Variants in ATXN2 observed in about 807,000 individuals in gnomAD.
The protein encoded by ATXN2 is ataxin-2.
In ATXN2, 37 loss-of-function variants were observed where a neutral mutation model predicts 138.6. The observed-to-expected ratio is 0.27, with a 90% CI of 0.21 to 0.35. ATXN2 has a LOEUF of 0.35. Ranked by LOEUF, ATXN2 falls within the 10% of genes least tolerant of loss-of-function variation. ATXN2 has a pLI of 1.00. For synonymous variants in ATXN2, 549 were observed against 543.7 expected, an observed-to-expected ratio of 1.01 and a Z score of -0.13; for missense variants, 1,216 against 1,480.3, an observed-to-expected ratio of 0.82 and a Z score of 2.93.
At chr12:111,477,252 A>G (rs1876889483) in intron 18 of ATXN2, among the ~76,000 whole-genome samples, 1 of 151,406 alleles carries the variant, frequency 6.6e-6, no homozygotes, top group Non-Finnish European at 1.5e-5. Flanking sequence ...GCTACTCGAG[A>G]GGCTGAGGCA....
At chr12:111,497,840 C>T (rs1878519107) in intron 14 of ATXN2, among the ~76,000 whole-genome samples, 1 of 151,860 alleles carries the variant, frequency 6.6e-6, no homozygotes, top group African/African-American at 2.4e-5. Flanking sequence ...CACGGTGAAA[C>T]CCCGTCTCTA....
Position 111,485,313 on chromosome 12 carries a change from T to C in ATXN2, c.2476A>G (p.Met826Val), listed in dbSNP as rs200306315. 2.4e-4 allele frequency: 389 copies of C among 1,612,994 alleles called. 3 individuals are homozygous for C. Among genetic ancestry groups the C allele is most frequent in the Admixed American group, 3.2e-4 (19 of 60,006 alleles). The stretch of plus-strand genomic sequence containing the variant: ...GCTTGATTCACTGGCATGGGCGTCA[T>C]AGGTATTGGGTATAAAGGCTTGAGA... ...PGVQPLYPIP[M>V]TPMPVNQAKT... is the part of the protein sequence containing the mutation. Residue 826 changes from methionine (M) to valine (V), a missense_variant, in exon 18 of 25, where the codon ATG becomes GTG. Met to Val is a conservative substitution (Grantham distance 21). Coordinates refer to ENST00000673436, the MANE Select transcript of ATXN2 (RefSeq NM_001372574.1).
intron 14 of ATXN2, among the ~76,000 whole-genome samples, chr12:111,507,973 A>G (rs1325688293): frequency 6.6e-6 from 1 of 152,172 alleles, no homozygotes; most frequent in Non-Finnish European, 1.5e-5. Context: ...ATGCTCGTTA[A>G]GAGTCATCAC....
At chr12:111,493,280 C>T (rs560705020) in intron 14 of ATXN2, among the ~76,000 whole-genome samples, 17 of 151,954 alleles carry the variant, frequency 1.1e-4, no homozygotes, top group Non-Finnish European at 2.2e-4. Flanking sequence ...AGTAGCTGGG[C>T]GTGGTGGCAC....
At chr12:111,487,235 C>T (rs756617340) in intron 15 of ATXN2, among the ~76,000 whole-genome samples, 18 of 151,892 alleles carry the variant, frequency 1.2e-4, no homozygotes, top group African/African-American at 1.9e-4. Context: ...ACTGCCACCA[C>T]GCCCAGCTAA....
At position 111,453,752 on chromosome 12, in the gene ATXN2, C is replaced by T. The variant is rs749624885; in HGVS notation, c.3364G>A (p.Ala1122Thr). 5.6e-6 allele frequency: 9 copies of T among 1,613,892 alleles called. No homozygotes were observed. Among genetic ancestry groups the T allele is most frequent in the African/African-American group, 4.0e-5 (3 of 74,928 alleles). The change falls in exon 24 of 25, where the codon GCC becomes ACC. Residue 1122 changes from alanine to threonine, a missense_variant. Ala to Thr is a moderately conservative substitution (Grantham distance 58). Transcript: ENST00000673436. This position sits in a 1 kb window ranked among gnomAD's most constrained non-coding sequence, Gnocchi z 5.4. ...GGCTGTAGTGCACTTTGAGCGAGGG[C>T]GGCCTGGGGACCGCCGGGTGGCTGT... ...TTQPPGGPQAALAQSALQPIP... is the reference protein window; with the variant it reads ...TTQPPGGPQATLAQSALQPIP...
At chr12:111,460,146 A>C (rs554543006) in intron 21 of ATXN2, among the ~76,000 whole-genome samples, 1 of 152,220 alleles carries the variant, frequency 6.6e-6, no homozygotes, top group South Asian at 2.1e-4. Context: ...CAGTGGCGTG[A>C]TATCAGCTCA....
intron 1 of ATXN2, among the ~76,000 whole-genome samples, chr12:111,558,890 G>A (rs1458688461): frequency 6.6e-6 from 1 of 151,402 alleles, no homozygotes; most frequent in Non-Finnish European, 1.5e-5. Context: ...AACTATTAAA[G>A]CTGGGTGATA....
intron 1 of ATXN2, among the ~76,000 whole-genome samples, chr12:111,559,009 C>T (rs892931544): frequency 2.7e-5 from 4 of 149,442 alleles, no homozygotes; most frequent in Non-Finnish European, 4.4e-5. Flanking sequence ...TAGACCTAAT[C>T]AAGTTTACAG....
intron 1 of ATXN2, chr12:111,581,521 C>T (rs1323863370): frequency 7.8e-6 from 8 of 1,021,864 alleles, no homozygotes; most frequent in Non-Finnish European, 1.2e-5. Flanking sequence ...TGATCCCCAT[C>T]CACAGCGAGA....
At chr12:111,475,925 CATT>C (rs1239280560) in intron 18 of ATXN2, among the ~76,000 whole-genome samples, 3 of 151,984 alleles carry the variant, frequency 2.0e-5, no homozygotes, top group Non-Finnish European at 4.4e-5. Flanking sequence ...AATGGAATTA[CATT>C]ATTATCTATC....
intron 6 of ATXN2, 72 bp from the exon 7 acceptor site, chr12:111,521,045 T>C (rs1232507830): frequency 1.0e-6 from 1 of 970,662 alleles, no homozygotes; most frequent in African/African-American, 1.7e-5. Context: ...ATAACCAACA[T>C]CTATATTAAC....
chr12:111,503,275 T>C (rs117129118), intron 14 of ATXN2, among the ~76,000 whole-genome samples: 1,950 of 152,336 alleles, frequency 0.013, 20 homozygotes, highest in Non-Finnish European at 0.017. Flanking sequence ...TATGCATTAG[T>C]TACTATTCAA....
chr12:111,485,449 A>G lies in ATXN2; in HGVS notation c.2458-118T>C, dbSNP rs1425108133. On this transcript the variant is annotated intron_variant, in intron 17 of 24. Transcript: ENST00000673436. ...GCATGAGAAGGTTTCCTGATTCTCC[A>G]TTAGTCATTAAAAAATTAGATCATA... 5.6e-6 allele frequency: 6 copies of G among 1,073,152 alleles called. No individual in the cohort carries two copies. The African/African-American group carries it at 7.9e-5, about 14-fold the overall frequency. The allele number at this position is 1,073,152 out of a possible 1,614,324, so 66.5% of individuals were successfully genotyped here.
At chr12:111,464,840 G>A in intron 20 of ATXN2, 125 bp from the exon 21 acceptor site, 1 of 728,112 alleles carries the variant, frequency 1.4e-6, no homozygotes, top group South Asian at 1.7e-5. Flanking sequence ...CATAAGAGAT[G>A]ACAAGCACTT....
At chr12:111,480,606 C>T (rs557290099) in intron 18 of ATXN2, among the ~76,000 whole-genome samples, 2 of 152,220 alleles carry the variant, frequency 1.3e-5, no homozygotes, top group East Asian at 1.9e-4. Flanking sequence ...ATCTGAGAGG[C>T]GGAGGTTGCA....
chr12:111,492,532 A>G (rs1878104147), intron 14 of ATXN2, among the ~76,000 whole-genome samples: 1 of 152,118 alleles, frequency 6.6e-6, no homozygotes, highest in Non-Finnish European at 1.5e-5. Flanking sequence ...AAATACAAAA[A>G]TTAGCCAGGC....
At chr12:111,585,972 T>C (rs1029095143) in intron 1 of ATXN2, among the ~76,000 whole-genome samples, 3 of 151,976 alleles carry the variant, frequency 2.0e-5, no homozygotes, top group Non-Finnish European at 1.5e-5. Context: ...GGTGCAATCA[T>C]GGCTCACCTC....
At chr12:111,519,511 C>T (rs933034009) in intron 8 of ATXN2, among the ~76,000 whole-genome samples, 1 of 152,182 alleles carries the variant, frequency 6.6e-6, no homozygotes, top group Non-Finnish European at 1.5e-5. Context: ...TCTGACTCTA[C>T]AGGTTATGCT....
Sources: gnomAD v4.1 joint callset for allele counts (sites outside exome capture counted in the v4.1 genomes callset) on GRCh38, gnomAD v4.1.1 for gene constraint, Gnocchi (gnomAD v3.1) non-coding constraint, MANE v1.5 for transcripts, NCBI Gene and HGNC (gene_info 2026-07-23, HGNC 2026-07-21) for gene names.